BRD3: variants seen among roughly 807,000 people sequenced by gnomAD.
The protein encoded by BRD3 is bromodomain containing 3, also known as bromodomain-containing protein 3.
Under a neutral mutation model 66.8 loss-of-function variants are expected in BRD3, and 17 were observed. The observed-to-expected ratio is 0.25, with a 90% CI of 0.17 to 0.38. The LOEUF is 0.38. BRD3 is among the 10% of genes least tolerant of loss of function. The pLI is 1.00. For missense variants in BRD3, 713 were observed against 956.1 expected, an observed-to-expected ratio of 0.75 and a Z score of 3.35; for synonymous variants, 421 against 393.2, an observed-to-expected ratio of 1.07 and a Z score of -0.84.
At chr9:134,044,976 G>A (rs551092133) in intron 7 of BRD3, among the ~76,000 whole-genome samples, 6 of 152,196 alleles carry the variant, frequency 3.9e-5, no homozygotes, top group Non-Finnish European at 8.8e-5. Flanking sequence ...CAGGGAAGCC[G>A]CAAGAGAAAG....
chr9:134,051,760 T>A (rs752919684), intron 3 of BRD3, 51 bp from the exon 4 acceptor site: 2 of 1,556,122 alleles, frequency 1.3e-6, no homozygotes, highest in African/African-American at 2.8e-5. Context: ...GCTGTGTGCT[T>A]GCAAAGGACA....
intron 8 of BRD3, 132 bp downstream of exon 8, chr9:134,041,628 C>T (rs1188906629): frequency 1.3e-5 from 16 of 1,225,744 alleles, no homozygotes; most frequent in African/African-American, 9.1e-5. Context: ...AGTGTCTTTA[C>T]GGGGAAGCAC....
chr9:134,054,857 C>A (rs1445670436), intron 1 of BRD3, among the ~76,000 whole-genome samples: 1 of 151,942 alleles, frequency 6.6e-6, no homozygotes, highest in Non-Finnish European at 1.5e-5. Context: ...CAGCACCCTG[C>A]GTGTAACCTC....
At chr9:134,053,697 C>T in intron 1 of BRD3, 107 bp from the exon 2 acceptor site, 1 of 1,022,398 alleles carries the variant, frequency 9.8e-7, no homozygotes, top group Non-Finnish European at 1.4e-6. Flanking sequence ...CTCAGCAGGG[C>T]CTGCTCCACT....
intron 4 of BRD3, 130 bp downstream of exon 4, chr9:134,051,432 A>G (rs1057276373): frequency 9.2e-6 from 9 of 983,194 alleles, no homozygotes; most frequent in Non-Finnish European, 1.3e-5. Context: ...CTCATCCAAG[A>G]CCCGGCACCC....
Position 134,053,401 on chromosome 9 carries a change from A to G in BRD3, c.77T>C (p.Val26Ala). Residue 26 changes from valine to alanine, a missense_variant, in exon 2 of 12, where the codon GTC becomes GCC. This residue lies in a region of BRD3 where 48 missense variants were observed against 42.5 expected (regional missense o/e 1.13). Transcript: ENST00000303407. ...GCGGCCGGGCTTGCTGGGGTTGGAG[A>G]CCTCCGGGGGGGGTGGGTTCACAGG... ...PGPVNPPPPE[V>A]SNPSKPGRKT... 1 of 1,145,480 alleles carries G rather than the reference A, an allele frequency of 8.7e-7. No individual in the cohort carries two copies. The allele number at this position is 1,145,480 out of a possible 1,614,324, so 71.0% of individuals were successfully genotyped here.
chr9:134,040,088 G>T lies in BRD3; in HGVS notation c.1589C>A (p.Ala530Asp). Residue 530 changes from alanine to aspartate, a missense_variant, in exon 9 of 12, where the codon GCT (alanine) becomes GAT (aspartate). Ala to Asp is a moderately radical substitution (Grantham distance 126). Transcript: ENST00000303407. ...CTTGGCAGGAGCCTTCTTCTGCTGAGCCTGCTTGGCAGGCGGAGCCACCTT... is the reference window on the plus strand; with the variant it reads ...CTTGGCAGGAGCCTTCTTCTGCTGATCCTGCTTGGCAGGCGGAGCCACCTT... Reference protein sequence around the residue: ...KAKVAPPAKQAQQKKAPAKKA... With the variant: ...KAKVAPPAKQDQQKKAPAKKA... The T allele has an allele frequency of 6.3e-7, 1 of 1,588,836 alleles. No individual in the cohort carries two copies. Among genetic ancestry groups the T allele is most frequent in the Non-Finnish European group, 8.6e-7 (1 of 1,168,640 alleles).
chr9:134,034,599 G>A (rs976977440), intron 11 of BRD3, 102 bp downstream of exon 11: 19 of 1,485,330 alleles, frequency 1.3e-5, no homozygotes, highest in Non-Finnish European at 1.6e-5. Context: ...CTCATCAGGA[G>A]GTAAGCCACA....
At chr9:134,060,689 C>T (rs1472804792) in intron 1 of BRD3, among the ~76,000 whole-genome samples, 3 of 152,176 alleles carry the variant, frequency 2.0e-5, no homozygotes, top group Non-Finnish European at 2.9e-5. Context: ...GCTCCCCTAA[C>T]ACTGACTAGC....
Position 134,033,816 on chromosome 9 carries a change from C to T in BRD3, c.2066-111G>A, listed in dbSNP as rs1588269678. 1 of 604,786 alleles carries T rather than the reference C, an allele frequency of 1.7e-6. No homozygotes were observed. Among genetic ancestry groups the T allele is most frequent in the South Asian group, 1.9e-5 (1 of 52,160 alleles). 37.5% of individuals were successfully genotyped at this position (604,786 alleles called of 1,614,324 possible). On this transcript the variant is annotated intron_variant, in intron 11 of 11. Transcript: ENST00000303407. This position sits in a 1 kb window ranked among gnomAD's most constrained non-coding sequence, Gnocchi z 5.1. ...ATCACACTGGGTGCCACGACCCACCCACTTCCTGACCCAGTCGTTTAATAA... is the reference window on the plus strand; with the variant it reads ...ATCACACTGGGTGCCACGACCCACCTACTTCCTGACCCAGTCGTTTAATAA...
upstream of BRD3, chr9:134,068,377 G>T (rs1830717343): frequency 6.7e-6 from 1 of 150,030 alleles, no homozygotes; most frequent in Non-Finnish European, 1.5e-5. Context: ...CCCCAGGACG[G>T]CATGGAAGAA....
chr9:134,051,048 T>TG (rs1389110731), intron 4 of BRD3, among the ~76,000 whole-genome samples: 4 of 152,180 alleles, frequency 2.6e-5, no homozygotes, highest in Non-Finnish European at 4.4e-5. Context: ...AACACCTGCA[T>TG]GCCGGGTTCC....
At chr9:134,043,649 C>T (rs898487536) in intron 7 of BRD3, among the ~76,000 whole-genome samples, 1 of 152,184 alleles carries the variant, frequency 6.6e-6, no homozygotes, top group African/African-American at 2.4e-5. Context: ...TGGGCTCTAA[C>T]CCCACAGCTC....
At position 134,033,012 on chromosome 9, in the gene BRD3, C is replaced by T; in HGVS notation, c.*578G>A. On this transcript the variant is annotated 3_prime_UTR_variant, in exon 12 of 12. Transcript: ENST00000303407. The surrounding 1 kb of genome is among the most constrained non-coding windows in gnomAD (Gnocchi z 5.1). ...ATCCCACCCGACCACCCCCCAAGGG[C>T]TCCACGCTCCGGGCTGGGGCTGCGA... is the stretch of plus-strand genomic sequence containing the variant. The T allele has an allele frequency of 2.5e-6, 1 of 397,902 alleles. No homozygotes were observed. The highest frequency in any genetic ancestry group is 4.4e-5 in the Admixed American group (1 of 22,698). The allele number at this position is 397,902 out of a possible 1,614,324, so 24.6% of individuals were successfully genotyped here. A position where few individuals can be genotyped will look rare whatever the true frequency, so the allele number is the denominator to read the frequency against.
intron 7 of BRD3, among the ~76,000 whole-genome samples, chr9:134,042,708 T>TACACAC (rs1830082414): frequency 1.1e-5 from 1 of 87,188 alleles, no homozygotes; most frequent in African/African-American, 3.0e-5. Flanking sequence ...CACACATATA[T>TACACAC]ATACACATAT....
At chr9:134,057,051 G>A (rs1026442123) in intron 1 of BRD3, 2 of 152,354 alleles carry the variant, frequency 1.3e-5, no homozygotes, top group African/African-American at 4.8e-5. Flanking sequence ...AGACCAACTC[G>A]AAAGACCTCC....
chr9:134,052,872 T>C (rs1156504362), intron 2 of BRD3, among the ~76,000 whole-genome samples: 1 of 152,172 alleles, frequency 6.6e-6, no homozygotes, highest in African/African-American at 2.4e-5. Context: ...GAGGGCACCA[T>C]CACCTGGAAA....
At chr9:134,042,660 CACACACACACATATATAT>C (rs1407684571) in intron 7 of BRD3, among the ~76,000 whole-genome samples, 2 of 147,616 alleles carry the variant, frequency 1.4e-5, no homozygotes, top group Non-Finnish European at 3.0e-5. Context: ...CACACACACA[CACACACACACATATATAT>C]ACACACACAC....
At chr9:134,056,745 G>A (rs1278252158) in intron 1 of BRD3, 1 of 152,332 alleles carries the variant, frequency 6.6e-6, no homozygotes, top group East Asian at 1.9e-4. Context: ...CTCCCTGTGG[G>A]AGAATGTGCA....
Sources: gnomAD v4.1 joint callset for allele counts (sites outside exome capture counted in the v4.1 genomes callset) on GRCh38, gnomAD v4.1.1 for gene constraint, gnomAD v4.1.1 regional missense constraint, Gnocchi (gnomAD v3.1) non-coding constraint, MANE v1.5 for transcripts, NCBI Gene and HGNC (gene_info 2026-07-23, HGNC 2026-07-21) for gene names.